GRIN2A: variants seen among roughly 807,000 people sequenced by gnomAD.
The protein encoded by GRIN2A is glutamate receptor ionotropic, NMDA 2A.
A neutral mutation model predicts 113.4 loss-of-function variants in GRIN2A; 22 were observed. The observed-to-expected ratio is 0.19, with a 90% CI of 0.14 to 0.28. The LOEUF (loss-of-function observed/expected upper bound fraction) is 0.28. Among genes scored for constraint, GRIN2A ranks in the 10% least tolerant of loss-of-function variants. The pLI, the probability that GRIN2A is intolerant of heterozygous loss-of-function variation, is 1.00. For synonymous variants in GRIN2A, 827 were observed against 738.4 expected, an observed-to-expected ratio of 1.12 and a Z score of -1.94; for missense variants, 1,502 against 1,887.0, an observed-to-expected ratio of 0.80 and a Z score of 3.78.
At chr16:10,124,039 G>C (rs2048881229) in intron 2 of GRIN2A, among the ~76,000 whole-genome samples, 1 of 152,118 alleles carries the variant, frequency 6.6e-6, no homozygotes, top group South Asian at 2.1e-4. Context: ...GCAGTAGAAA[G>C]CCAGAATAGT....
chr16:10,127,119 T>A (rs2048955737), intron 2 of GRIN2A, among the ~76,000 whole-genome samples: 1 of 152,152 alleles, frequency 6.6e-6, no homozygotes, highest in Non-Finnish European at 1.5e-5. Flanking sequence ...TTTTCTTGAT[T>A]TCAAAATCCA....
chr16:9,996,192 C>T lies in GRIN2A; in HGVS notation c.415-57641G>A, dbSNP rs996651457. On this transcript the variant is annotated intron_variant, in intron 2 of 12. Coordinates refer to ENST00000330684, the MANE Select transcript of GRIN2A (RefSeq NM_001134407.3). ...AGTTGAATGTCAGAAAGAGAAGATG[C>T]GAGCCAACCAAGAAAATGACAGAGT... Among the ~76,000 whole-genome samples the T allele has an allele frequency of 3.3e-5, 5 of 151,986 alleles. No individual in the cohort carries two copies. The South Asian group carries it at 6.2e-4, about 19-fold the overall frequency.
Position 10,091,457 on chromosome 16 carries a change from T to TACAC in GRIN2A, c.414+88537_414+88540dup, listed in dbSNP as rs35961930. On this transcript the variant is annotated intron_variant, in intron 2 of 12. Transcript: ENST00000330684. ...CCAAATACGTATGTATGTGTGTGTATACACACACACACACACACACACACA... is the reference window on the plus strand; with the variant it reads ...CCAAATACGTATGTATGTGTGTGTATACACACACACACACACACACACACACACA... 8.4e-3 allele frequency among the ~76,000 whole-genome samples: 1,218 copies of TACAC among 145,804 alleles called. 19 individuals are homozygous for TACAC. Among genetic ancestry groups the TACAC allele is most frequent in the African/African-American group, 0.028 (1,118 of 40,040 alleles).
intron 11 of GRIN2A, among the ~76,000 whole-genome samples, chr16:9,797,110 A>T (rs1162978613): frequency 6.6e-6 from 1 of 152,204 alleles, no homozygotes; most frequent in Non-Finnish European, 1.5e-5. Context: ...GCACTAGCTA[A>T]CCTCTGCCTA....
At chr16:9,771,199 CTT>C (rs60641368) in intron 11 of GRIN2A, among the ~76,000 whole-genome samples, 1,404 of 137,876 alleles carry the variant, frequency 0.01, 16 homozygotes, top group African/African-American at 0.035. Flanking sequence ...ATAGTCCCAT[CTT>C]TTTTTTTTTT....
At chr16:9,821,471 T>C (rs1317830679) in intron 10 of GRIN2A, among the ~76,000 whole-genome samples, 1 of 152,114 alleles carries the variant, frequency 6.6e-6, no homozygotes, top group African/African-American at 2.4e-5. Flanking sequence ...ACGTCTCCAT[T>C]GTCAGCAAGA....
intron 11 of GRIN2A, among the ~76,000 whole-genome samples, chr16:9,772,922 C>CAAAAAAAAAA (rs71400490): frequency 1.9e-5 from 2 of 104,980 alleles, no homozygotes; most frequent in African/African-American, 3.7e-5. Flanking sequence ...ACTTCAATTT[C>CAAAAAAAAAA]AAAAAAAAAA....
chr16:10,050,510 T>C (rs1016937914), intron 2 of GRIN2A, among the ~76,000 whole-genome samples: 2 of 151,974 alleles, frequency 1.3e-5, no homozygotes, highest in African/African-American at 2.4e-5. Flanking sequence ...GGGATCTAGA[T>C]GGCATGCTCC....
chr16:9,912,476 AT>A lies in GRIN2A; in HGVS notation c.1008-21377del, dbSNP rs1013083014. On this transcript the variant is annotated intron_variant, in intron 3 of 12. Transcript: ENST00000330684. ...AAGCTGCAAAAGGAATAATGAAAAG[AT>A]AAAGCACTCTTCTTAAAATTCAGAG... is the stretch of plus-strand genomic sequence containing the variant. Among the ~76,000 whole-genome samples, 80 of 133,352 alleles carry A rather than the reference AT, an allele frequency of 6.0e-4. 1 individual carries two copies. Among genetic ancestry groups the A allele is most frequent in the Middle Eastern group, 4.1e-3 (1 of 244 alleles). 87.5% of individuals were successfully genotyped at this position (133,352 alleles called of 152,430 possible). A position where few individuals can be genotyped will look rare whatever the true frequency, so the allele number is the denominator to read the frequency against.
chr16:9,888,556 T>C (rs2043630857), intron 4 of GRIN2A, among the ~76,000 whole-genome samples: 1 of 152,024 alleles, frequency 6.6e-6, no homozygotes, highest in African/African-American at 2.4e-5. Flanking sequence ...GTCATAATCA[T>C]TGATCAAAAA....
At chr16:9,769,891 C>T (rs972498389) in intron 11 of GRIN2A, among the ~76,000 whole-genome samples, 2 of 152,102 alleles carry the variant, frequency 1.3e-5, no homozygotes, top group African/African-American at 4.8e-5. Context: ...AGAAAAGTCA[C>T]ACATGAGCAG....
chr16:10,146,028 T>G (rs1164644102), intron 2 of GRIN2A, among the ~76,000 whole-genome samples: 1 of 152,212 alleles, frequency 6.6e-6, no homozygotes, highest in African/African-American at 2.4e-5. Context: ...CAGAGACAGC[T>G]ATAGGACACC....
chr16:10,105,408 T>TG (rs2048478749), intron 2 of GRIN2A, among the ~76,000 whole-genome samples: 2 of 152,056 alleles, frequency 1.3e-5, no homozygotes, highest in African/African-American at 4.8e-5. Context: ...TTTGAGGTGT[T>TG]GCCTGGGTCT....
intron 8 of GRIN2A, among the ~76,000 whole-genome samples, chr16:9,831,427 C>T (rs768920286): frequency 9.9e-5 from 15 of 152,034 alleles, no homozygotes; most frequent in Non-Finnish European, 7.4e-5. Context: ...TCCCCACACA[C>T]TATCTGGATA....
chr16:9,960,725 A>T (rs2045421604), intron 2 of GRIN2A, among the ~76,000 whole-genome samples: 1 of 152,186 alleles, frequency 6.6e-6, no homozygotes, highest in Non-Finnish European at 1.5e-5. Flanking sequence ...CCTGGGCTCA[A>T]ACCATCCTCC....
intron 9 of GRIN2A, among the ~76,000 whole-genome samples, chr16:9,824,803 A>C (rs898788709): frequency 6.6e-6 from 1 of 152,126 alleles, no homozygotes; most frequent in Non-Finnish European, 1.5e-5. Context: ...TTTTTAAAAA[A>C]ATGTCTGCAA....
rs547204073 is a variant in GRIN2A, at chr16:10,068,287, C to T, written c.414+111711G>A. Among the ~76,000 whole-genome samples the T allele has an allele frequency of 8.1e-4, 123 of 152,282 alleles. 1 individual carries two copies. The highest frequency in any genetic ancestry group is 2.9e-3 in the African/African-American group (121 of 41,542). ...GTTCTTGCATTGCTATAAAGAAATA[C>T]CTCAGACTGGGTAATTTATAAAGAA... On this transcript the variant is annotated intron_variant, in intron 2 of 12. Transcript: ENST00000330684.
chr16:9,827,528 T>A (rs1383816352), intron 9 of GRIN2A, among the ~76,000 whole-genome samples: 1 of 152,238 alleles, frequency 6.6e-6, no homozygotes, highest in Non-Finnish European at 1.5e-5. Flanking sequence ...TTAAAGTTTT[T>A]CCTGCTTCGA....
At chr16:9,889,211 T>G (rs549638927) in intron 4 of GRIN2A, among the ~76,000 whole-genome samples, 1 of 152,296 alleles carries the variant, frequency 6.6e-6, no homozygotes, top group East Asian at 1.9e-4. Flanking sequence ...TCTTCAGAAT[T>G]TGCCCATTTT....
Sources: gnomAD v4.1 joint callset for allele counts (sites outside exome capture counted in the v4.1 genomes callset) on GRCh38, gnomAD v4.1.1 for gene constraint, MANE v1.5 for transcripts, NCBI Gene and HGNC (gene_info 2026-07-23, HGNC 2026-07-21) for gene names.